The following ENDOV variants were observed in gnomAD, a reference collection of about 807,000 sequenced individuals.
ENDOV encodes hEndoV.
ENDOV carries 37 observed loss-of-function variants against 39.4 expected under a neutral mutation model. The ratio of observed to expected loss-of-function variants is 0.94; its 90% CI spans 0.72 to 1.23. The LOEUF (loss-of-function observed/expected upper bound fraction) is 1.23. Among genes scored for constraint, ENDOV ranks in the 50% most tolerant of loss-of-function variants. The pLI is 0.00. For synonymous variants in ENDOV, 186 were observed against 163.4 expected (o/e 1.14, Z -1.05); for missense variants, 441 against 375.7 (o/e 1.17, Z -1.44).
intron 9 of ENDOV, among the ~76,000 whole-genome samples, chr17:80,434,172 G>A (rs533629222): frequency 6.6e-6 from 1 of 152,226 alleles, no homozygotes; most frequent in East Asian, 1.9e-4. Context: ...GGACAGGCCT[G>A]CTGTGGGCGC....
chr17:80,415,403 G>T, intron 1 of ENDOV, 153 bp downstream of exon 1: 3 of 1,084,006 alleles, frequency 2.8e-6, no homozygotes, highest in Non-Finnish European at 3.9e-6. Context: ...GAAGCGGAGG[G>T]ATCTCAGGAA....
At chr17:80,424,004 C>A (rs1272163654) in intron 5 of ENDOV, 2 of 308,096 alleles carry the variant, frequency 6.5e-6, no homozygotes, top group Non-Finnish European at 1.2e-5. Context: ...CCTGTCTCCT[C>A]CCCTGCATGC....
At chr17:80,418,189 C>T (rs1030193524) in intron 2 of ENDOV, 1 of 152,178 alleles carries the variant, frequency 6.6e-6, no homozygotes, top group Non-Finnish European at 1.5e-5. Context: ...CCCTCTAGGC[C>T]TCTGTCTCCT....
Position 80,428,651 on chromosome 17 carries a change from C to A in ENDOV, c.770C>A (p.Pro257His). The stretch of plus-strand genomic sequence containing the variant: ...AAGTCGCTGGGACTCCCCGGGCCAC[C>A]CACACCGAGGTGAGCACCCAGGGAG... ...IRKSLGLPGP[P>H]TPRSPKAQRP... Residue 257 changes from proline (P) to histidine (H), a missense_variant, in exon 8 of 10, where the codon CCC becomes CAC. Pro to His is a moderately conservative substitution (Grantham distance 77). Coordinates refer to ENST00000518137, the MANE Select transcript of ENDOV (RefSeq NM_173627.5). The A allele has an allele frequency of 6.3e-7, 1 of 1,580,786 alleles. No individual in the cohort carries two copies.
intron 9 of ENDOV, chr17:80,430,379 GTT>G: frequency 1.8e-5 from 7 of 383,806 alleles, no homozygotes; most frequent in Non-Finnish European, 2.9e-5. Flanking sequence ...TCACATATTT[GTT>G]TGTTTGTTTA....
intron 2 of ENDOV, chr17:80,420,023 T>C (rs2081782371): frequency 3.5e-6 from 1 of 287,760 alleles, no homozygotes; most frequent in Non-Finnish European, 6.8e-6. Flanking sequence ...AAAGGATACG[T>C]TGGACACCTG....
intron 9 of ENDOV, among the ~76,000 whole-genome samples, chr17:80,434,502 C>T (rs763896435): frequency 3.9e-5 from 6 of 152,200 alleles, no homozygotes; most frequent in Non-Finnish European, 7.3e-5. Flanking sequence ...CTGTGTTTAA[C>T]TTTCTGAGAA....
At chr17:80,421,775 G>A in intron 2 of ENDOV, 53 bp from the exon 3 acceptor site, 1 of 1,555,000 alleles carries the variant, frequency 6.4e-7, no homozygotes, top group African/African-American at 1.4e-5. Context: ...GACTGGGGAT[G>A]GAGCAGGTGG....
chr17:80,430,354 G>A (rs1156562942), intron 9 of ENDOV: 3 of 1,526,958 alleles, frequency 2.0e-6, no homozygotes, highest in Non-Finnish European at 2.6e-6. Flanking sequence ...TTCTTCTCAG[G>A]ATTCATTTTT....
Position 80,437,032 on chromosome 17 carries a change from C to T in ENDOV, c.*889C>T, listed in dbSNP as rs1401718882. The stretch of plus-strand genomic sequence containing the variant: ...TCATCTGTTGGCATACCGTCGTTCA[C>T]GGGATTTTATTGATGTGTGTGAGGT... On this transcript the variant is annotated 3_prime_UTR_variant, in exon 10 of 10. Transcript: ENST00000518137. The T allele has an allele frequency of 6.5e-6, 1 of 152,686 alleles. No individual in the cohort carries two copies. Among genetic ancestry groups the T allele is most frequent in the Non-Finnish European group, 1.5e-5 (1 of 68,072 alleles). 9.5% of individuals were successfully genotyped at this position (152,686 alleles called of 1,614,324 possible). A position where few individuals can be genotyped will look rare whatever the true frequency, so the allele number is the denominator to read the frequency against.
chr17:80,420,649 T>G (rs1233233364), intron 2 of ENDOV: 2 of 152,162 alleles, frequency 1.3e-5, no homozygotes, highest in African/African-American at 4.8e-5. Context: ...GGTAGACAGG[T>G]CTGCAGAATG....
chr17:80,423,701 A>C (rs1197551087), intron 5 of ENDOV, 69 bp downstream of exon 5: 1 of 1,448,534 alleles, frequency 6.9e-7, no homozygotes, highest in Non-Finnish European at 9.4e-7. Flanking sequence ...CCTGGGCATG[A>C]GGACACTTCT....
chr17:80,425,582 T>A lies in ENDOV; in HGVS notation c.676T>A (p.Cys226Ser), dbSNP rs778869443. 1.1e-5 allele frequency: 18 copies of A among 1,591,828 alleles called. No individual in the cohort carries two copies. The South Asian group carries it at 2.0e-4, about 18-fold the overall frequency. Residue 226 changes from cysteine (C) to serine (S), a missense_variant, in exon 7 of 10, where the codon TGC becomes AGC. Transcript: ENST00000518137. ...SLEAAVRLTCCCCRFRIPEPV... is the reference protein window; with the variant it reads ...SLEAAVRLTCSCCRFRIPEPV... Reference sequence around the variant, plus strand: ...GGAGGCCGCTGTGCGCCTGACTTGCTGCTGCTGCAGGTTCCGGATCCCAGA... The same window carrying A: ...GGAGGCCGCTGTGCGCCTGACTTGCAGCTGCTGCAGGTTCCGGATCCCAGA...
intron 4 of ENDOV, 32 bp from the exon 5 acceptor site, chr17:80,423,484 CACCT>C: frequency 5.1e-4 from 649 of 1,284,078 alleles, no homozygotes; most frequent in Non-Finnish European, 6.3e-4. Context: ...GCCCCAGCCC[CACCT>C]CCCCAACCCC....
chr17:80,428,439 T>C (rs2082996246), intron 7 of ENDOV, 157 bp from the exon 8 acceptor site: 4 of 701,292 alleles, frequency 5.7e-6, no homozygotes, highest in East Asian at 2.8e-5. Flanking sequence ...CCACACTCGC[T>C]GACAGGGCCG....
At chr17:80,427,931 G>A (rs2082924553) in intron 7 of ENDOV, 1 of 1,174,780 alleles carries the variant, frequency 8.5e-7, no homozygotes, top group African/African-American at 1.6e-5. Flanking sequence ...ATTAGCCGTT[G>A]CTTTCCATGA....
intron 2 of ENDOV, chr17:80,419,722 T>TC (rs771135997): frequency 7.6e-5 from 53 of 698,940 alleles, no homozygotes; most frequent in Non-Finnish European, 1.3e-4. Flanking sequence ...TCTTCACTGG[T>TC]CAGTGGCCCT....
chr17:80,417,220 C>G (rs1568206254), intron 2 of ENDOV: 1 of 152,288 alleles, frequency 6.6e-6, no homozygotes, highest in Non-Finnish European at 1.5e-5. Context: ...TTCCCACCTC[C>G]TACAGCCCAC....
At chr17:80,430,475 A>G (rs1439857877) in intron 9 of ENDOV, 2 of 973,100 alleles carry the variant, frequency 2.1e-6, no homozygotes. Flanking sequence ...CCCCAGCCAC[A>G]CTGAACCACC....
Sources: gnomAD v4.1 joint callset for allele counts (sites outside exome capture counted in the v4.1 genomes callset) on GRCh38, gnomAD v4.1.1 for gene constraint, MANE v1.5 for transcripts, NCBI Gene and HGNC (gene_info 2026-07-23, HGNC 2026-07-21) for gene names.